COLEC11: variants seen among roughly 807,000 people sequenced by gnomAD.
COLEC11 encodes the protein collectin subfamily member 11, also known as collectin-11.
In COLEC11, 20 loss-of-function variants were observed where a neutral mutation model predicts 27.3. The ratio of observed to expected loss-of-function variants is 0.73; its 90% CI spans 0.51 to 1.06. The LOEUF is 1.06. Ranked by LOEUF, COLEC11 falls within the 50% of genes least tolerant of loss-of-function variation. COLEC11 has a pLI of 0.00. For missense variants in COLEC11, 310 were observed against 383.0 expected (o/e 0.81, Z 1.59); for synonymous variants, 163 against 154.7 (o/e 1.05, Z -0.40).
chr2:3,614,624 A>T (rs1157372149), intron 3 of COLEC11, among the ~76,000 whole-genome samples: 1 of 152,152 alleles, frequency 6.6e-6, no homozygotes, highest in East Asian at 1.9e-4. Context: ...TCTTCAACAC[A>T]GATATTTTTT....
chr2:3,597,087 G>A (rs1473680926), intron 1 of COLEC11, among the ~76,000 whole-genome samples: 2 of 151,996 alleles, frequency 1.3e-5, no homozygotes, highest in Non-Finnish European at 2.9e-5. Flanking sequence ...AGAAATCCCA[G>A]CCTGGGCTGT....
chr2:3,603,783 T>C (rs1219799431), intron 1 of COLEC11: 17 of 964,412 alleles, frequency 1.8e-5, no homozygotes, highest in Non-Finnish European at 2.6e-5. Context: ...CTCTCCTTAC[T>C]GATCTCACCG....
intron 3 of COLEC11, among the ~76,000 whole-genome samples, chr2:3,615,928 G>A (rs572223840): frequency 2.8e-4 from 27 of 96,590 alleles, no homozygotes; most frequent in South Asian, 4.7e-4. Context: ...CGGACGGGGG[G>A]GCTGCCGGGT....
intron 3 of COLEC11, among the ~76,000 whole-genome samples, chr2:3,636,153 TAGAA>T (rs1232983242): frequency 6.6e-6 from 1 of 152,172 alleles, no homozygotes; most frequent in South Asian, 2.1e-4. Flanking sequence ...CTGCGTGCGA[TAGAA>T]AGTCCTTCCC....
At chr2:3,607,094 C>CT (rs113988000) in intron 2 of COLEC11, among the ~76,000 whole-genome samples, 2 of 151,872 alleles carry the variant, frequency 1.3e-5, no homozygotes, top group African/African-American at 4.8e-5. Context: ...CCACAACCCC[C>CT]TGTGTTTTGG....
At chr2:3,601,032 C>T (rs927995321) in intron 1 of COLEC11, among the ~76,000 whole-genome samples, 131 of 152,298 alleles carry the variant, frequency 8.6e-4, no homozygotes, top group Non-Finnish European at 1.6e-3. Flanking sequence ...CTTTCCACTC[C>T]TGTGCTTTGT....
Position 3,617,106 on chromosome 2 carries a change from T to C in COLEC11, c.202+3724T>C, listed in dbSNP as rs1663815683. Among the ~76,000 whole-genome samples the C allele has an allele frequency of 2.0e-5, 3 of 152,206 alleles. No homozygotes were observed. The South Asian group carries it at 6.2e-4, about 32-fold the overall frequency. On this transcript the variant is annotated intron_variant, in intron 3 of 6. Transcript: ENST00000349077. ...ACCCAGTAGTGACATTGTTGGATCA[T>C]GTGGTAGTTCTGCTTTTGATTTTTT...
chr2:3,604,110 G>C, intron 1 of COLEC11: 3 of 626,710 alleles, frequency 4.8e-6, no homozygotes, highest in Non-Finnish European at 8.5e-6. Context: ...TTGGTGCCTG[G>C]TGCTGACCCT....
intron 5 of COLEC11, chr2:3,641,437 G>T (rs1299713402): frequency 7.8e-7 from 1 of 1,281,078 alleles, no homozygotes; most frequent in South Asian, 1.3e-5. Flanking sequence ...CTGGAGGCAG[G>T]TGACGGCGGG....
intron 2 of COLEC11, among the ~76,000 whole-genome samples, chr2:3,611,575 A>G (rs1316189587): frequency 6.6e-6 from 1 of 152,180 alleles, no homozygotes; most frequent in African/African-American, 2.4e-5. Flanking sequence ...TTTTCTTCTT[A>G]CAAGATAAGA....
chr2:3,637,722 G>A (rs1665536971), intron 4 of COLEC11, 118 bp downstream of exon 4: 2 of 851,900 alleles, frequency 2.3e-6, no homozygotes, highest in Admixed American at 1.9e-5. Flanking sequence ...TATATTCGGT[G>A]CATGGTAGAT....
intron 1 of COLEC11, among the ~76,000 whole-genome samples, chr2:3,595,667 T>A (rs1435725149): frequency 6.6e-6 from 1 of 152,066 alleles, no homozygotes; most frequent in Non-Finnish European, 1.5e-5. Flanking sequence ...GGGCCTTGCT[T>A]TGGCAACTTT....
chr2:3,613,836 C>G (rs1021198607), intron 3 of COLEC11, among the ~76,000 whole-genome samples: 14 of 152,168 alleles, frequency 9.2e-5, no homozygotes, highest in African/African-American at 3.4e-4. Context: ...GGAGCTAGAT[C>G]ATACGTGTAA....
At chr2:3,627,343 A>G (rs1664628974) in intron 3 of COLEC11, among the ~76,000 whole-genome samples, 1 of 137,164 alleles carries the variant, frequency 7.3e-6, no homozygotes, top group South Asian at 2.3e-4. Flanking sequence ...GATGGGGTGG[A>G]TCTGGGCATG....
chr2:3,611,847 C>T (rs1572407927), intron 2 of COLEC11, among the ~76,000 whole-genome samples: 1 of 152,094 alleles, frequency 6.6e-6, no homozygotes, highest in East Asian at 2.0e-4. Context: ...AACTGAGCCT[C>T]TCTCCAAGAC....
intron 3 of COLEC11, chr2:3,626,113 A>G (rs1186426468): frequency 6.3e-7 from 1 of 1,597,302 alleles, no homozygotes; most frequent in Non-Finnish European, 8.6e-7. Flanking sequence ...TGGAAATCCC[A>G]CCTTCACACT....
chr2:3,633,198 C>T (rs1182346744), intron 3 of COLEC11, among the ~76,000 whole-genome samples: 6 of 152,154 alleles, frequency 3.9e-5, no homozygotes, highest in African/African-American at 4.8e-5. Context: ...AGACCAGGAC[C>T]GGGATGGTGA....
chr2:3,632,425 C>A (rs1302301156), intron 3 of COLEC11, among the ~76,000 whole-genome samples: 11 of 152,186 alleles, frequency 7.2e-5, no homozygotes, highest in Non-Finnish European at 1.5e-5. Context: ...CGGGTGCCGG[C>A]AGGGCTGCTG....
intron 3 of COLEC11, among the ~76,000 whole-genome samples, chr2:3,615,840 GGCCGGGCAGGGGC>G (rs1663654034): frequency 4.8e-5 from 1 of 20,768 alleles, no homozygotes; most frequent in Non-Finnish European, 1.2e-4. Flanking sequence ...CGCGGCGGCT[GGCCGGGCAGGGGC>G]TGCCCCCCAC....
Sources: allele counts gnomAD v4.1 joint callset (sites outside exome capture counted in the v4.1 genomes callset), GRCh38; gene constraint gnomAD v4.1.1; transcripts MANE v1.5; gene names NCBI Gene and HGNC (gene_info 2026-07-23, HGNC 2026-07-21).